BACH2: variants seen among roughly 807,000 people sequenced by gnomAD.
BACH2 encodes transcription regulator protein BACH2.
In BACH2, 5 loss-of-function variants were observed where a neutral mutation model predicts 61.8. The observed-to-expected ratio is 0.08, with a 90% CI of 0.04 to 0.17. The LOEUF is 0.17. BACH2 is among the 10% of genes least tolerant of loss of function. The pLI, the probability that BACH2 is intolerant of heterozygous loss-of-function variation, is 1.00. For missense variants in BACH2, 824 were observed against 1,091.1 expected (o/e 0.76, Z 3.45); for synonymous variants, 446 against 440.1 (o/e 1.01, Z -0.17).
chr6:89,956,097 T>C (rs1774411486), intron 6 of BACH2, among the ~76,000 whole-genome samples: 1 of 152,152 alleles, frequency 6.6e-6, no homozygotes, highest in African/African-American at 2.4e-5. Context: ...GAGAAACAAA[T>C]GCAAAATATG....
chr6:90,057,173 T>C (rs2127796912), intron 5 of BACH2, among the ~76,000 whole-genome samples: 1 of 152,196 alleles, frequency 6.6e-6, no homozygotes, highest in Non-Finnish European at 1.5e-5. Context: ...AAAAAATGAA[T>C]GAATCCAGGA....
intron 3 of BACH2, among the ~76,000 whole-genome samples, chr6:90,224,672 A>G (rs1473792227): frequency 6.6e-6 from 1 of 152,176 alleles, no homozygotes; most frequent in Non-Finnish European, 1.5e-5. Context: ...ATATATTAAA[A>G]TGAAATGCAA....
chr6:90,074,348 G>A (rs1390565999), intron 5 of BACH2, among the ~76,000 whole-genome samples: 1 of 152,136 alleles, frequency 6.6e-6, no homozygotes, highest in Admixed American at 6.6e-5. Context: ...GGTAGAGCTA[G>A]TGTTGTTGTT....
chr6:90,225,510 A>T (rs1769883149), intron 3 of BACH2, among the ~76,000 whole-genome samples: 1 of 152,142 alleles, frequency 6.6e-6, no homozygotes, highest in African/African-American at 2.4e-5. Flanking sequence ...ACTGAAAAAA[A>T]TTGGGAGTCA....
At chr6:89,939,651 T>G (rs1773281613) in intron 7 of BACH2, among the ~76,000 whole-genome samples, 1 of 131,440 alleles carries the variant, frequency 7.6e-6, no homozygotes, top group Non-Finnish European at 1.6e-5. Context: ...TGATTGCTTA[T>G]ATTTCTTTTT....
At chr6:89,998,505 G>A (rs1776971249) in intron 6 of BACH2, among the ~76,000 whole-genome samples, 1 of 151,948 alleles carries the variant, frequency 6.6e-6, no homozygotes, top group African/African-American at 2.4e-5. Flanking sequence ...CGAGATCCTA[G>A]GAAACCAAAA....
At chr6:90,168,236 C>T (rs1767696097) in intron 4 of BACH2, among the ~76,000 whole-genome samples, 1 of 152,080 alleles carries the variant, frequency 6.6e-6, no homozygotes. Flanking sequence ...TGCCTATAGT[C>T]CCAGCTACAT....
At chr6:90,265,114 C>T (rs1316820863) in intron 2 of BACH2, among the ~76,000 whole-genome samples, 1 of 152,168 alleles carries the variant, frequency 6.6e-6, no homozygotes, top group African/African-American at 2.4e-5. Flanking sequence ...GAACTCTCTC[C>T]TTTAATTATA....
At chr6:90,243,754 GT>G (rs1770535917) in intron 3 of BACH2, among the ~76,000 whole-genome samples, 1 of 152,106 alleles carries the variant, frequency 6.6e-6, no homozygotes, top group Admixed American at 6.5e-5. Context: ...CATTTAAATA[GT>G]TTTTTTCCTC....
chr6:90,191,913 C>T (rs181282541), intron 4 of BACH2, among the ~76,000 whole-genome samples: 1,677 of 152,164 alleles, frequency 0.011, 12 homozygotes, highest in South Asian at 0.028. Context: ...TAAAATGACT[C>T]GAATACTTGC....
chr6:90,253,905 AACT>A (rs781482529), intron 2 of BACH2, among the ~76,000 whole-genome samples: 3 of 152,156 alleles, frequency 2.0e-5, no homozygotes, highest in Non-Finnish European at 2.9e-5. Context: ...ATTTTTTTTA[AACT>A]ATCATGGCAC....
intron 4 of BACH2, among the ~76,000 whole-genome samples, chr6:90,149,879 G>A (rs9689286): frequency 0.051 from 7,814 of 152,238 alleles, 349 homozygotes; most frequent in African/African-American, 0.12. Flanking sequence ...TTAGGGAGGA[G>A]CATAAGAGCA....
chr6:90,231,985 C>CAGAG (rs542457957), intron 3 of BACH2, among the ~76,000 whole-genome samples: 96 of 149,354 alleles, frequency 6.4e-4, no homozygotes, highest in Non-Finnish European at 4.2e-4. Context: ...GAGAGAGAGA[C>CAGAG]AGAGAGAGAG....
chr6:89,945,302 T>C (rs1773659532), intron 7 of BACH2, among the ~76,000 whole-genome samples: 2 of 152,200 alleles, frequency 1.3e-5, no homozygotes, highest in African/African-American at 2.4e-5. Flanking sequence ...AAATGTGGTA[T>C]TAGTCAACAA....
chr6:90,016,141 T>C (rs1021851204), intron 5 of BACH2, among the ~76,000 whole-genome samples: 3 of 152,142 alleles, frequency 2.0e-5, no homozygotes, highest in African/African-American at 7.2e-5. Context: ...TTTAACCTTT[T>C]TGTGTTTTTA....
At chr6:90,060,679 G>T (rs2127798363) in intron 5 of BACH2, among the ~76,000 whole-genome samples, 1 of 151,936 alleles carries the variant, frequency 6.6e-6, no homozygotes, top group African/African-American at 2.4e-5. Context: ...CACTCACGGT[G>T]GTTTGTTTCC....
chr6:90,040,797 G>A (rs1779497143), intron 5 of BACH2, among the ~76,000 whole-genome samples: 1 of 151,862 alleles, frequency 6.6e-6, no homozygotes, highest in African/African-American at 2.4e-5. Flanking sequence ...ATATACACAT[G>A]TGTATATATT....
chr6:90,138,625 C>T (rs2127825849), intron 4 of BACH2, among the ~76,000 whole-genome samples: 1 of 152,162 alleles, frequency 6.6e-6, no homozygotes, highest in Non-Finnish European at 1.5e-5. Flanking sequence ...ACTATAATAG[C>T]TTGGAGATGA....
chr6:89,980,656 C>T (rs1198681216), intron 6 of BACH2, among the ~76,000 whole-genome samples: 2 of 152,194 alleles, frequency 1.3e-5, no homozygotes, highest in Admixed American at 1.3e-4. Context: ...GGACATTCAC[C>T]TGAGAAGACT....
Sources: gnomAD v4.1 joint callset for allele counts (sites outside exome capture counted in the v4.1 genomes callset) on GRCh38, gnomAD v4.1.1 for gene constraint, MANE v1.5 for transcripts, NCBI Gene and HGNC (gene_info 2026-07-23, HGNC 2026-07-21) for gene names.